The following SORT1 variants were observed in gnomAD, a reference collection of about 807,000 sequenced individuals.
SORT1 encodes the protein sortilin 1.
SORT1 carries 39 observed loss-of-function variants against 101.7 expected under a neutral mutation model. That is an observed-to-expected ratio of 0.38 (90% CI 0.30 to 0.50). The LOEUF is 0.50. Ranked by LOEUF, SORT1 falls within the 20% of genes least tolerant of loss-of-function variation. SORT1 has a pLI of 0.90. For missense variants in SORT1, 878 were observed against 1,040.4 expected, an observed-to-expected ratio of 0.84 and a Z score of 2.15; for synonymous variants, 396 against 393.7, an observed-to-expected ratio of 1.01 and a Z score of -0.07.
chr1:109,339,129 A>T (rs1649043807), intron 10 of SORT1, among the ~76,000 whole-genome samples: 1 of 152,068 alleles, frequency 6.6e-6, no homozygotes, highest in Admixed American at 6.6e-5. Context: ...CACCTGCCTC[A>T]GCCTCCCAAA....
At chr1:109,341,711 G>C (rs1457329256) in intron 9 of SORT1, among the ~76,000 whole-genome samples, 9 of 152,278 alleles carry the variant, frequency 5.9e-5, no homozygotes, top group African/African-American at 1.9e-4. Flanking sequence ...CAAAAGGCTA[G>C]AAGAGTTTCC....
intron 1 of SORT1, among the ~76,000 whole-genome samples, chr1:109,387,832 T>C (rs1271621860): frequency 6.6e-6 from 1 of 152,162 alleles, no homozygotes; most frequent in East Asian, 1.9e-4. Flanking sequence ...GCACCTGTAA[T>C]CCCAGCTACT....
Position 109,397,610 on chromosome 1 carries a change from T to C in SORT1, c.283A>G (p.Lys95Glu). The C allele has an allele frequency of 7.8e-7, 1 of 1,282,680 alleles. No individual in the cohort carries two copies. The highest frequency in any genetic ancestry group is 1.0e-6 in the Non-Finnish European group (1 of 1,001,874). 79.5% of individuals were successfully genotyped at this position (1,282,680 alleles called of 1,614,324 possible). A position where few individuals can be genotyped will look rare whatever the true frequency, so the allele number is the denominator to read the frequency against. Residue 95 changes from lysine to glutamate, a missense_variant, in exon 1 of 20, where the codon AAG becomes GAG. Lys to Glu is a moderately conservative substitution (Grantham distance 56, BLOSUM62 1). Coordinates refer to ENST00000256637, the MANE Select transcript of SORT1 (RefSeq NM_002959.7). ...ACCTGGTGCGTGTTGTTGGCCAGCT[T>C]GGCGACGAAGTCCCGGACCCGGCCG... Reference protein sequence around the residue: ...ECGRVRDFVAKLANNTHQHVF... With the variant: ...ECGRVRDFVAELANNTHQHVF...
In SORT1 at chr1:109,312,608, T is replaced by C. The variant is rs759230962; in HGVS notation, c.*1435A>G. 1.2e-4 allele frequency: 18 copies of C among 152,404 alleles called. 2 individuals carry two copies. The highest frequency in any genetic ancestry group is 7.9e-4 in the Admixed American group (12 of 15,260). 9.4% of individuals were successfully genotyped at this position (152,404 alleles called of 1,614,324 possible). A position where few individuals can be genotyped will look rare whatever the true frequency, so the allele number is the denominator to read the frequency against. On this transcript the variant is annotated 3_prime_UTR_variant, in exon 20 of 20. Transcript: ENST00000256637. ...CAAAGAATGTCCCAGTCATAATCAT[T>C]GGGAGAAACTGTGACCCGCACAGTA...
chr1:109,381,874 A>C (rs532685350), intron 1 of SORT1, among the ~76,000 whole-genome samples: 1 of 152,278 alleles, frequency 6.6e-6, no homozygotes, highest in African/African-American at 2.4e-5. Context: ...AAAAAAGAAA[A>C]AAAAAAGGTA....
chr1:109,397,587 C>T lies in SORT1; in HGVS notation c.306G>A (p.Gln102=). ...FVAKLANNTH[Q]HVFDDLRGSV... ...GCTCCCGGGCCCGGCGCCCGCTCACCTGGTGCGTGTTGTTGGCCAGCTTGG... is the reference window on the plus strand; with the variant it reads ...GCTCCCGGGCCCGGCGCCCGCTCACTTGGTGCGTGTTGTTGGCCAGCTTGG... Residue 102 remains glutamine (Q), a splice_region_variant and synonymous_variant, in exon 1 of 20, where the codon CAG becomes CAA. Coordinates refer to ENST00000256637, the MANE Select transcript of SORT1 (RefSeq NM_002959.7). 1 of 1,248,132 alleles carries T rather than the reference C, an allele frequency of 8.0e-7. No homozygotes were observed. The highest frequency in any genetic ancestry group is 1.0e-6 in the Non-Finnish European group (1 of 982,580). 77.3% of individuals were successfully genotyped at this position (1,248,132 alleles called of 1,614,324 possible).
intron 3 of SORT1, among the ~76,000 whole-genome samples, chr1:109,363,057 A>G (rs1244776318): frequency 6.6e-6 from 1 of 152,172 alleles, no homozygotes; most frequent in African/African-American, 2.4e-5. Context: ...TATGTAATAT[A>G]TTTTAATGCA....
chr1:109,367,362 T>A, intron 3 of SORT1, 46 bp downstream of exon 3: 1 of 1,071,606 alleles, frequency 9.3e-7, no homozygotes, highest in South Asian at 1.4e-5. Context: ...ATCTATATTC[T>A]CAATGTTACT....
chr1:109,317,473 C>T (rs972998173), intron 16 of SORT1, among the ~76,000 whole-genome samples: 1 of 152,256 alleles, frequency 6.6e-6, no homozygotes, highest in African/African-American at 2.4e-5. Context: ...AGAGCTCTCC[C>T]TGGCTGTGCC....
At chr1:109,384,453 G>A (rs1652448942) in intron 1 of SORT1, among the ~76,000 whole-genome samples, 1 of 152,176 alleles carries the variant, frequency 6.6e-6, no homozygotes, top group East Asian at 1.9e-4. Context: ...GAATTACAAA[G>A]GGAATATCAT....
rs766055465 is a variant in SORT1, at chr1:109,345,856, T to A, written c.858A>T (p.Leu286Phe). Residue 286 changes from leucine (L) to phenylalanine (F), a missense_variant, in exon 8 of 20, where the codon TTA becomes TTT. Physicochemically the swap from Leu to Phe is conservative, Grantham distance 22. Transcript: ENST00000256637. ...TTTTTCCCAAGTCTGAAGTTCTCCATAATTCCAGAGCCCCAAGGTCAGCTT... is the reference window on the plus strand; with the variant it reads ...TTTTTCCCAAGTCTGAAGTTCTCCAAAATTCCAGAGCCCCAAGGTCAGCTT... ...SCKADLGALE[L>F]WRTSDLGKSF... 9 of 1,613,280 alleles carry A rather than the reference T, an allele frequency of 5.6e-6. No individual in the cohort carries two copies. The highest frequency in any genetic ancestry group is 1.3e-5 in the African/African-American group (1 of 74,906).
chr1:109,326,524 T>TAC (rs1214595446), intron 13 of SORT1, among the ~76,000 whole-genome samples: 1 of 143,624 alleles, frequency 7.0e-6, no homozygotes, highest in African/African-American at 2.6e-5. Flanking sequence ...CACATATATA[T>TAC]ACACATATAT....
At position 109,310,168 on chromosome 1, in the gene SORT1, T is replaced by C. The variant is rs951795563; in HGVS notation, c.*3875A>G. 4 of 152,672 alleles carry C rather than the reference T, an allele frequency of 2.6e-5. No individual in the cohort carries two copies. Among genetic ancestry groups the C allele is most frequent in the Non-Finnish European group, 5.9e-5 (4 of 68,042 alleles). 9.5% of individuals were successfully genotyped at this position (152,672 alleles called of 1,614,324 possible). A position where few individuals can be genotyped will look rare whatever the true frequency, so the allele number is the denominator to read the frequency against. On this transcript the variant is annotated 3_prime_UTR_variant, in exon 20 of 20. Coordinates refer to ENST00000256637, the MANE Select transcript of SORT1 (RefSeq NM_002959.7). ...ACTATACAGTTTATATATGTATATA[T>C]GTACACACACATATATATAAAGGTA... is the stretch of plus-strand genomic sequence containing the variant.
chr1:109,345,895 A>C lies in SORT1; in HGVS notation c.833-14T>G. The C allele has an allele frequency of 1.2e-6, 2 of 1,601,952 alleles. No individual in the cohort carries two copies. ...CAAGGTCAGCTTCTTAAACAAGACA[A>C]AATATTAATTAAAATTTCACTTACT... On this transcript the variant is annotated splice_polypyrimidine_tract_variant and intron_variant, in intron 7 of 19. Transcript: ENST00000256637.
intron 1 of SORT1, among the ~76,000 whole-genome samples, chr1:109,373,515 C>A (rs1191663988): frequency 1.3e-5 from 2 of 152,120 alleles, no homozygotes; most frequent in Non-Finnish European, 2.9e-5. Context: ...CACACAGGAA[C>A]AGGAATAATT....
At chr1:109,388,898 A>C (rs542950689) in intron 1 of SORT1, among the ~76,000 whole-genome samples, 1 of 152,304 alleles carries the variant, frequency 6.6e-6, no homozygotes, top group East Asian at 1.9e-4. Context: ...ACCATCATCA[A>C]TTATATTAAC....
intron 7 of SORT1, 46 bp downstream of exon 7, chr1:109,347,437 T>C (rs377598730): frequency 3.1e-5 from 42 of 1,362,140 alleles, no homozygotes; most frequent in African/African-American, 7.2e-5. Context: ...AATTCTACCA[T>C]GAATGGACAA....
chr1:109,372,055 G>C (rs185393552), intron 1 of SORT1, among the ~76,000 whole-genome samples: 1 of 152,108 alleles, frequency 6.6e-6, no homozygotes, highest in African/African-American at 2.4e-5. Flanking sequence ...GAGAGCTAGG[G>C]ACCCAAGAGT....
intron 1 of SORT1, among the ~76,000 whole-genome samples, chr1:109,372,515 A>G (rs1194642831): frequency 6.6e-6 from 1 of 152,214 alleles, no homozygotes; most frequent in Non-Finnish European, 1.5e-5. Context: ...TATGAAATGT[A>G]AAAGTTCATT....
Sources: gnomAD v4.1 joint callset for allele counts (sites outside exome capture counted in the v4.1 genomes callset) on GRCh38, gnomAD v4.1.1 for gene constraint, MANE v1.5 for transcripts, NCBI Gene and HGNC (gene_info 2026-07-23, HGNC 2026-07-21) for gene names.